The following KIAA1217 variants were observed in gnomAD, a reference collection of about 807,000 sequenced individuals.
KIAA1217 encodes KIAA1217.
In KIAA1217, 88 loss-of-function variants were observed where a neutral mutation model predicts 163.9. The observed-to-expected ratio is 0.54, with a 90% CI of 0.45 to 0.64. The LOEUF (loss-of-function observed/expected upper bound fraction) is 0.64, where lower values mean the gene tolerates loss of function less well. Ranked by LOEUF, KIAA1217 falls within the 30% of genes least tolerant of loss-of-function variation. KIAA1217 has a pLI of 0.00. For missense variants in KIAA1217, 2,372 were observed against 2,475.0 expected (o/e 0.96, Z 0.88); for synonymous variants, 903 against 923.1 (o/e 0.98, Z 0.39).
At chr10:23,979,490 T>C (rs1036031504) in intron 1 of KIAA1217, among the ~76,000 whole-genome samples, 3 of 152,250 alleles carry the variant, frequency 2.0e-5, no homozygotes, top group Non-Finnish European at 2.9e-5. Flanking sequence ...ATATATGTTG[T>C]AATAAAGTTT....
intron 1 of KIAA1217, among the ~76,000 whole-genome samples, chr10:23,807,316 G>A (rs1836788083): frequency 6.6e-6 from 1 of 152,248 alleles, no homozygotes; most frequent in African/African-American, 2.4e-5. Context: ...AAAACTCACA[G>A]ATCTTAGATG....
rs144493793 is a variant in KIAA1217 at position 23,783,084 on chromosome 10, T to A, written c.-321+87850T>A. On this transcript the variant is annotated intron_variant, in intron 1 of 18. Transcript: ENST00000376462. ...GTCAAATGCTTTTTCTCCATCTGTTTAGATCAGGGTTTTCCAATCTTTTGG... is the reference window on the plus strand; with the variant it reads ...GTCAAATGCTTTTTCTCCATCTGTTAAGATCAGGGTTTTCCAATCTTTTGG... 2.6e-5 allele frequency among the ~76,000 whole-genome samples: 4 copies of A among 152,342 alleles called. No individual in the cohort carries two copies. In the East Asian group the frequency reaches 7.7e-4, roughly 29 times the overall value.
intron 1 of KIAA1217, among the ~76,000 whole-genome samples, chr10:23,889,039 T>C (rs2131209700): frequency 6.6e-6 from 1 of 152,016 alleles, no homozygotes; most frequent in African/African-American, 2.4e-5. Flanking sequence ...TCCTTTTCAT[T>C]GCTAAATAGT....
At chr10:24,083,019 T>C (rs1413102817) in intron 2 of KIAA1217, among the ~76,000 whole-genome samples, 5 of 152,238 alleles carry the variant, frequency 3.3e-5, no homozygotes, top group Non-Finnish European at 7.3e-5. Context: ...TTGTTTCATA[T>C]GTTTGTTAGT....
chr10:23,997,420 G>A (rs1477356669), intron 1 of KIAA1217, among the ~76,000 whole-genome samples: 1 of 152,042 alleles, frequency 6.6e-6, no homozygotes, highest in East Asian at 1.9e-4. Context: ...AATTACTTTG[G>A]CTAACTCACA....
intron 1 of KIAA1217, among the ~76,000 whole-genome samples, chr10:23,900,487 G>T (rs995249593): frequency 6.6e-6 from 1 of 152,146 alleles, no homozygotes; most frequent in Non-Finnish European, 1.5e-5. Flanking sequence ...AATAAAAATT[G>T]TTCCTGTATC....
chr10:24,113,157 C>T (rs913266005), intron 2 of KIAA1217, among the ~76,000 whole-genome samples: 18 of 152,086 alleles, frequency 1.2e-4, no homozygotes, highest in South Asian at 4.1e-4. Flanking sequence ...CCCCTAGACC[C>T]GGACATACAG....
chr10:24,010,437 T>C (rs1359332040), intron 2 of KIAA1217, among the ~76,000 whole-genome samples: 7 of 152,074 alleles, frequency 4.6e-5, no homozygotes, highest in Admixed American at 4.6e-4. Context: ...AAATAAAAAG[T>C]TTTTTGAAAG....
intron 1 of KIAA1217, among the ~76,000 whole-genome samples, chr10:23,990,646 G>A (rs1846180735): frequency 6.6e-6 from 1 of 151,932 alleles, no homozygotes; most frequent in Non-Finnish European, 1.5e-5. Flanking sequence ...TTCAAAGTAG[G>A]CATATCTGTT....
chr10:23,994,650 A>G (rs1846384192), intron 1 of KIAA1217, among the ~76,000 whole-genome samples: 1 of 152,214 alleles, frequency 6.6e-6, no homozygotes, highest in African/African-American at 2.4e-5. Context: ...GTTCAGCATC[A>G]TCCCACCAGG....
At chr10:24,313,559 A>G (rs73604467) in intron 2 of KIAA1217, among the ~76,000 whole-genome samples, 13,455 of 152,168 alleles carry the variant, frequency 0.088, 627 homozygotes, top group African/African-American at 0.11. Context: ...TTCTGTATAC[A>G]GTTTGTAGGA....
Position 24,380,459 on chromosome 10 carries a change from G to A in KIAA1217, c.355-410G>A, listed in dbSNP as rs554459511. 1.2e-4 allele frequency among the ~76,000 whole-genome samples: 18 copies of A among 152,092 alleles called. No homozygotes were observed. The East Asian group carries it at 2.5e-3, about 21-fold the overall frequency. ...AAAGTACTCAAAGCCTGGCCATCAT[G>A]GTGAAACCCCATCTCTGCTAAAAAA... is the stretch of plus-strand genomic sequence containing the variant. On this transcript the variant is annotated intron_variant, in intron 2 of 20. Coordinates refer to ENST00000376454, the MANE Select transcript of KIAA1217 (RefSeq NM_019590.5).
chr10:23,929,303 G>T (rs78449920), intron 1 of KIAA1217, among the ~76,000 whole-genome samples: 1,768 of 152,174 alleles, frequency 0.012, 29 homozygotes, highest in African/African-American at 0.041. Flanking sequence ...TGAAATAATG[G>T]ATTTTATTTT....
intron 2 of KIAA1217, among the ~76,000 whole-genome samples, chr10:24,062,220 G>A (rs922853424): frequency 6.6e-6 from 1 of 151,186 alleles, no homozygotes; most frequent in South Asian, 2.1e-4. Context: ...CATGTGCCAT[G>A]TTGGTGTGCT....
chr10:24,126,594 C>T (rs1294533392), intron 2 of KIAA1217, among the ~76,000 whole-genome samples: 1 of 152,010 alleles, frequency 6.6e-6, no homozygotes, highest in East Asian at 1.9e-4. Context: ...AAATATGTAG[C>T]CAGATTGGAT....
chr10:23,790,704 C>CATATAT (rs140845530), intron 1 of KIAA1217, among the ~76,000 whole-genome samples: 1 of 125,368 alleles, frequency 8.0e-6, no homozygotes, highest in African/African-American at 3.7e-5. Context: ...TATACACACA[C>CATATAT]ATATATATAT....
intron 2 of KIAA1217, among the ~76,000 whole-genome samples, chr10:24,195,674 T>C (rs2066951538): frequency 6.6e-6 from 1 of 152,152 alleles, no homozygotes; most frequent in South Asian, 2.1e-4. Flanking sequence ...TGAATGAGAA[T>C]TGTTTTTAAT....
intron 2 of KIAA1217, among the ~76,000 whole-genome samples, chr10:24,285,947 T>C (rs1322338038): frequency 6.6e-6 from 1 of 152,150 alleles, no homozygotes; most frequent in Non-Finnish European, 1.5e-5. Flanking sequence ...TTTCTGGGTA[T>C]TTTATTATCG....
intron 2 of KIAA1217, among the ~76,000 whole-genome samples, chr10:24,358,592 A>T (rs1374802090): frequency 6.6e-6 from 1 of 152,198 alleles, no homozygotes; most frequent in African/African-American, 2.4e-5. Flanking sequence ...GTCTTATATC[A>T]AAGTAGGAAG....
Sources: gnomAD v4.1 joint callset for allele counts (sites outside exome capture counted in the v4.1 genomes callset) on GRCh38, gnomAD v4.1.1 for gene constraint, MANE v1.5 for transcripts, NCBI Gene and HGNC (gene_info 2026-07-23, HGNC 2026-07-21) for gene names.